The following RYK variants were observed in gnomAD, a reference collection of about 807,000 sequenced individuals.
RYK encodes inactive tyrosine-protein kinase RYK.
RYK carries 21 observed loss-of-function variants against 70.2 expected under a neutral mutation model. The ratio of observed to expected loss-of-function variants is 0.30; its 90% CI spans 0.21 to 0.43. RYK has a LOEUF of 0.43. Ranked by LOEUF, RYK falls within the 20% of genes least tolerant of loss-of-function variation. The pLI is 1.00. For missense variants in RYK, 604 were observed against 753.3 expected, an observed-to-expected ratio of 0.80 and a Z score of 2.32; for synonymous variants, 267 against 278.0, an observed-to-expected ratio of 0.96 and a Z score of 0.39.
chr3:134,200,308 ACGAAC>A (rs1320170080), intron 6 of RYK, among the ~76,000 whole-genome samples: 1 of 152,194 alleles, frequency 6.6e-6, no homozygotes, highest in Non-Finnish European at 1.5e-5. Flanking sequence ...ACCAGGAGGA[ACGAAC>A]CACTCCGGAT....
intron 1 of RYK, among the ~76,000 whole-genome samples, chr3:134,247,979 C>T (rs2015508463): frequency 6.6e-6 from 1 of 152,066 alleles, no homozygotes; most frequent in African/African-American, 2.4e-5. Flanking sequence ...AGTACCATAA[C>T]AGCTTCTGTG....
At chr3:134,190,515 C>T (rs1270860991) in intron 8 of RYK, among the ~76,000 whole-genome samples, 1 of 149,102 alleles carries the variant, frequency 6.7e-6, no homozygotes, top group Non-Finnish European at 1.5e-5. Flanking sequence ...CCATACCCGT[C>T]AACCTAGAAA....
At chr3:134,205,612 T>A (rs1371739996) in intron 5 of RYK, among the ~76,000 whole-genome samples, 2 of 152,096 alleles carry the variant, frequency 1.3e-5, no homozygotes, top group African/African-American at 4.8e-5. Flanking sequence ...CCCTGCTCAA[T>A]TACCTCCAAA....
At chr3:134,218,708 T>G (rs2014639760) in intron 2 of RYK, among the ~76,000 whole-genome samples, 2 of 152,072 alleles carry the variant, frequency 1.3e-5, no homozygotes, top group South Asian at 4.2e-4. Flanking sequence ...ATCAAGAGCT[T>G]TATTCCAGTA....
chr3:134,178,294 A>G, intron 10 of RYK: 1 of 394,494 alleles, frequency 2.5e-6, no homozygotes, highest in Non-Finnish European at 4.4e-6. Context: ...CTTGGTAGGG[A>G]AAAATCATAA....
At position 134,158,163 on chromosome 3, in the gene RYK, G is replaced by C; in HGVS notation, c.1814C>G (p.Ala605Gly). Reference protein sequence around the residue: ...CLTEFHAALGAYV With the variant: ...CLTEFHAALGGYV ...GGGATTGGAGAGGAGTCAGACGTAG[G>C]CCCCCAGGGCTGCATGAAACTCTGT... Residue 605 changes from alanine to glycine, a missense_variant, in exon 15 of 15, where the codon GCC becomes GGC. Physicochemically the swap from Ala to Gly is moderately conservative, Grantham distance 60. Transcript: ENST00000623711. 6.7e-7 allele frequency: 1 copy of C among 1,499,402 alleles called. No homozygotes were observed. Among genetic ancestry groups the C allele is most frequent in the Non-Finnish European group, 9.0e-7 (1 of 1,115,734 alleles). The allele number at this position is 1,499,402 out of a possible 1,614,324, so 92.9% of individuals were successfully genotyped here.
At chr3:134,247,572 C>T (rs1320495417) in intron 1 of RYK, among the ~76,000 whole-genome samples, 2 of 152,116 alleles carry the variant, frequency 1.3e-5, no homozygotes, top group East Asian at 1.9e-4. Context: ...CATGGTAATG[C>T]GTGCCTGTAA....
intron 7 of RYK, among the ~76,000 whole-genome samples, chr3:134,193,276 T>C (rs925859879): frequency 2.6e-5 from 4 of 151,930 alleles, no homozygotes; most frequent in African/African-American, 9.7e-5. Context: ...CTCCACCTCC[T>C]GGGTTCACGC....
At chr3:134,212,910 A>C (rs1298207497) in intron 2 of RYK, among the ~76,000 whole-genome samples, 6 of 152,224 alleles carry the variant, frequency 3.9e-5, no homozygotes, top group Admixed American at 3.9e-4. Flanking sequence ...TGCAAACATT[A>C]AACTCTTCCT....
At chr3:134,164,573 T>TA (rs1339376901) in intron 13 of RYK, among the ~76,000 whole-genome samples, 17 of 152,262 alleles carry the variant, frequency 1.1e-4, no homozygotes, top group Admixed American at 1.1e-3. Context: ...ATCTGTGATG[T>TA]AGCATGTACC....
At chr3:134,195,264 T>C (rs928371913) in intron 6 of RYK, 82 bp from the exon 7 acceptor site, 7 of 951,140 alleles carry the variant, frequency 7.4e-6, no homozygotes, top group East Asian at 5.0e-5. Context: ...AAAATGCACA[T>C]AGCCATTAAA....
Position 134,178,063 on chromosome 3 carries a change from GA to G in RYK, c.1182del (p.Pro395LeufsTer7). 6.4e-7 allele frequency: 1 copy of G among 1,565,720 alleles called. No homozygotes were observed. The highest frequency in any genetic ancestry group is 8.6e-7 in the Non-Finnish European group (1 of 1,157,118). On this transcript the variant is annotated frameshift_variant, in exon 11 of 15. Transcript: ENST00000623711. LOFTEE classifies it high-confidence loss of function. ...KLRGLHHRNL[L>X]PITHVCIEEG... ...TCTTCTATACACACATGAGTAATAG[GA>G]AGAAGATTTCTATAAAATAATAAAA...
Position 134,175,747 on chromosome 3 carries a change from A to G in RYK, c.1437T>C (p.Val479=), listed in dbSNP as rs777184472. 1.9e-6 allele frequency: 3 copies of G among 1,613,960 alleles called. No homozygotes were observed. In the South Asian group the frequency reaches 3.3e-5, roughly 18 times the overall value. The part of the protein sequence containing the change: ...RNCVIDDTLQ[V]KITDNALSRD... ...TGGAGAGGGCATTGTCTGTGATCTT[A>G]ACTTGAAGTGTGTCATCAATGCTGA... The change falls in exon 13 of 15, where the codon GTT becomes GTC. Residue 479 remains valine, a synonymous_variant. Coordinates refer to ENST00000623711, the MANE Select transcript of RYK (RefSeq NM_002958.4).
intron 6 of RYK, among the ~76,000 whole-genome samples, chr3:134,197,913 G>A (rs1225154667): frequency 4.6e-5 from 7 of 152,186 alleles, no homozygotes; most frequent in Non-Finnish European, 1.0e-4. Flanking sequence ...ACACAAAGGC[G>A]TTACAGGGAC....
chr3:134,250,494 T>C lies in RYK; in HGVS notation c.161A>G (p.Glu54Gly). ...GGGCCCCGCGGAAGCCGACTGCAGC[T>C]CCGGGGGCCGCGGGGCGGGGGCGGC... ...AAAAPAPRPP[E>G]LQSASAGPSV... Residue 54 changes from glutamate (E) to glycine (G), a missense_variant, in exon 1 of 15, where the codon GAG (glutamate) becomes GGG (glycine). Coordinates refer to ENST00000623711, the MANE Select transcript of RYK (RefSeq NM_002958.4). The C allele has an allele frequency of 1.6e-6, 2 of 1,288,918 alleles. No individual in the cohort carries two copies. The highest frequency in any genetic ancestry group is 2.0e-6 in the Non-Finnish European group (2 of 1,017,434). The allele number at this position is 1,288,918 out of a possible 1,614,324, so 79.8% of individuals were successfully genotyped here. A position where few individuals can be genotyped will look rare whatever the true frequency, so the allele number is the denominator to read the frequency against.
intron 9 of RYK, among the ~76,000 whole-genome samples, chr3:134,184,895 A>G (rs999804257): frequency 5.3e-5 from 8 of 151,272 alleles, no homozygotes; most frequent in African/African-American, 1.5e-4. Flanking sequence ...TTTTTACATC[A>G]GTAGTAAAAA....
At chr3:134,226,682 T>G (rs900706582) in intron 1 of RYK, among the ~76,000 whole-genome samples, 10 of 152,040 alleles carry the variant, frequency 6.6e-5, no homozygotes, top group Non-Finnish European at 1.3e-4. Flanking sequence ...CTTTTAAAAA[T>G]CAGTATAATT....
At chr3:134,169,578 C>T (rs1366066316) in intron 13 of RYK, among the ~76,000 whole-genome samples, 6 of 152,050 alleles carry the variant, frequency 3.9e-5, no homozygotes, top group East Asian at 3.9e-4. Context: ...TAAAAGTTGA[C>T]GTTAACAGAA....
chr3:134,174,138 C>G (rs1474532187), intron 13 of RYK, among the ~76,000 whole-genome samples: 1 of 152,070 alleles, frequency 6.6e-6, no homozygotes, highest in African/African-American at 2.4e-5. Flanking sequence ...GGGATGGAAC[C>G]GCAAGCCAAA....
Sources: allele counts gnomAD v4.1 joint callset (sites outside exome capture counted in the v4.1 genomes callset), GRCh38; gene constraint gnomAD v4.1.1; transcripts MANE v1.5; gene names NCBI Gene and HGNC (gene_info 2026-07-23, HGNC 2026-07-21).